Variants in TRPM7 observed in about 807,000 individuals in gnomAD.
TRPM7 encodes the protein LTRPC ion channel family member 7.
A neutral mutation model predicts 229.7 loss-of-function variants in TRPM7; 134 were observed. That is an observed-to-expected ratio of 0.58 (90% CI 0.51 to 0.67). The LOEUF (loss-of-function observed/expected upper bound fraction) is 0.67. Ranked by LOEUF, TRPM7 falls within the 30% of genes least tolerant of loss-of-function variation. The probability of loss-of-function intolerance (pLI) is 0.00; values close to 1 mark genes in which losing one functional copy is unlikely to be tolerated. For missense variants in TRPM7, 1,901 were observed against 2,210.0 expected (o/e 0.86, Z 2.80); for synonymous variants, 699 against 715.2 (o/e 0.98, Z 0.36).
At chr15:50,658,502 C>T (rs1462744088) in intron 2 of TRPM7, among the ~76,000 whole-genome samples, 1 of 148,960 alleles carries the variant, frequency 6.7e-6, no homozygotes, top group Non-Finnish European at 1.5e-5. Context: ...CATGGGAGGT[C>T]GAGGCTAAAG....
intron 1 of TRPM7, among the ~76,000 whole-genome samples, chr15:50,677,374 G>C (rs7180210): frequency 6.7e-6 from 1 of 149,674 alleles, no homozygotes; most frequent in Admixed American, 6.6e-5. Context: ...ATGAATTCTC[G>C]GGGAGCGAGG....
At position 50,596,518 on chromosome 15, in the gene TRPM7, C is replaced by A. The variant is rs1435036005; in HGVS notation, c.3164-137G>T. The A allele has an allele frequency of 8.7e-6, 6 of 688,602 alleles. No homozygotes were observed. In the East Asian group the frequency reaches 1.7e-4, roughly 19 times the overall value. The allele number at this position is 688,602 out of a possible 1,614,324, so 42.7% of individuals were successfully genotyped here. ...TATGTACAAATCTGTTTCACAGATT[C>A]CAGCAAAAGCATCTGGGCAAGGAGA... On this transcript the variant is annotated intron_variant, in intron 22 of 38. Coordinates refer to ENST00000646667, the MANE Select transcript of TRPM7 (RefSeq NM_017672.6).
At chr15:50,648,506 T>C (rs905320457) in intron 4 of TRPM7, among the ~76,000 whole-genome samples, 181 bp downstream of exon 4, 10 of 152,230 alleles carry the variant, frequency 6.6e-5, no homozygotes, top group African/African-American at 1.7e-4. Flanking sequence ...AAACACATTT[T>C]ATAATGATGA....
chr15:50,629,820 A>G (rs1049110838), intron 10 of TRPM7, among the ~76,000 whole-genome samples: 2 of 150,674 alleles, frequency 1.3e-5, no homozygotes, highest in African/African-American at 4.9e-5. Flanking sequence ...AGAAAAGTAC[A>G]TGGTAAATAA....
chr15:50,593,695 C>G lies in TRPM7; in HGVS notation c.3530G>C (p.Cys1177Ser), dbSNP rs2059561870. 6.2e-7 allele frequency: 1 copy of G among 1,611,224 alleles called. No homozygotes were observed. Reference protein sequence around the residue: ...QKKLHDFEEQCVEMYFNEKDD... With the variant: ...QKKLHDFEEQSVEMYFNEKDD... ...TTTTTCATTGAAATACATTTCAACA[C>G]ACTGCTCTTCAAAATCATGAAGTTT... Residue 1177 changes from cysteine (C) to serine (S), a missense_variant, in exon 25 of 39, where the codon TGT becomes TCT. Transcript: ENST00000646667.
At chr15:50,682,140 C>T (rs955328219) in intron 1 of TRPM7, among the ~76,000 whole-genome samples, 5 of 111,980 alleles carry the variant, frequency 4.5e-5, no homozygotes, top group Admixed American at 2.5e-4. Context: ...ATCGCGCCAC[C>T]GCAAGCCTGG....
chr15:50,607,110 ACC>A (rs1228584315), intron 20 of TRPM7, 88 bp downstream of exon 20: 1,553 of 1,092,104 alleles, frequency 1.4e-3, no homozygotes, highest in South Asian at 2.0e-3. Context: ...ACACACACAC[ACC>A]CCCCTACGTA....
rs887072146 is a variant in TRPM7 at position 50,645,871 on chromosome 15, G to A, written c.322-2318C>T. 4.6e-4 allele frequency among the ~76,000 whole-genome samples: 70 copies of A among 152,154 alleles called. 1 individual carries two copies. Among genetic ancestry groups the A allele is most frequent in the African/African-American group, 1.6e-3 (66 of 41,520 alleles). On this transcript the variant is annotated intron_variant, in intron 4 of 38. Transcript: ENST00000646667. The stretch of plus-strand genomic sequence containing the variant: ...AACACCTGCTTGAATACATTAGCAG[G>A]TGGCCGGGCATGGTGGCTCACACCT...
chr15:50,575,628 A>G, intron 33 of TRPM7, 96 bp downstream of exon 33: 2 of 1,026,334 alleles, frequency 1.9e-6, no homozygotes, highest in Non-Finnish European at 2.8e-6. Context: ...TGAAATTGAT[A>G]CTTCTTAATG....
chr15:50,666,175 TG>T (rs150734606), intron 1 of TRPM7, among the ~76,000 whole-genome samples: 2,180 of 152,064 alleles, frequency 0.014, 58 homozygotes, highest in African/African-American at 0.05. Context: ...TTAACAAAAT[TG>T]GTAAACCTTT....
rs539360910 is a variant in TRPM7 at position 50,676,320 on chromosome 15, A to G, written c.3+10211T>C. ...GAAATCAAATTTTTTTTTAACAAAT[A>G]CATTCTATGATTATATATATTAAAA... On this transcript the variant is annotated intron_variant, in intron 1 of 38. Coordinates refer to ENST00000646667, the MANE Select transcript of TRPM7 (RefSeq NM_017672.6). Among the ~76,000 whole-genome samples the G allele has an allele frequency of 1.2e-4, 18 of 152,260 alleles. 1 individual carries two copies. In the South Asian group the frequency reaches 3.7e-3, roughly 32 times the overall value.
At chr15:50,619,231 T>C (rs964360599) in intron 13 of TRPM7, among the ~76,000 whole-genome samples, 2 of 151,238 alleles carry the variant, frequency 1.3e-5, no homozygotes, top group Admixed American at 1.3e-4. Flanking sequence ...TTCTTTTTTT[T>C]TTTTTTTGAG....
chr15:50,644,632 G>A (rs1596293074), intron 4 of TRPM7, among the ~76,000 whole-genome samples: 2 of 151,956 alleles, frequency 1.3e-5, no homozygotes, highest in South Asian at 2.1e-4. Flanking sequence ...GTGAAACCCC[G>A]TCTCTACTAA....
At chr15:50,674,687 G>C (rs2062056912) in intron 1 of TRPM7, among the ~76,000 whole-genome samples, 1 of 152,002 alleles carries the variant, frequency 6.6e-6, no homozygotes, top group African/African-American at 2.4e-5. Flanking sequence ...CTTTCAGCTT[G>C]AAGAAATTCT....
chr15:50,613,905 G>T, intron 14 of TRPM7, 64 bp from the exon 15 acceptor site: 1 of 1,559,154 alleles, frequency 6.4e-7, no homozygotes, highest in Non-Finnish European at 8.7e-7. Flanking sequence ...AAAAATTCAA[G>T]AATCAATTTA....
At chr15:50,573,949 C>T (rs1044468620) in intron 36 of TRPM7, among the ~76,000 whole-genome samples, 1 of 150,644 alleles carries the variant, frequency 6.6e-6, no homozygotes, top group Non-Finnish European at 1.5e-5. Context: ...CCCAACTACT[C>T]GGGAGGCTGA....
At chr15:50,562,666 G>A (rs2053370106) in intron 38 of TRPM7, among the ~76,000 whole-genome samples, 1 of 151,838 alleles carries the variant, frequency 6.6e-6, no homozygotes, top group African/African-American at 2.4e-5. Flanking sequence ...CAGCTACTCA[G>A]AAGGCCGAGG....
intron 1 of TRPM7, among the ~76,000 whole-genome samples, chr15:50,682,719 G>C (rs890764475): frequency 6.6e-6 from 1 of 152,060 alleles, no homozygotes; most frequent in South Asian, 2.1e-4. Context: ...AATTCTCCAA[G>C]TCAAACACTG....
chr15:50,574,811 C>T, intron 34 of TRPM7, 41 bp downstream of exon 34: 1 of 1,593,322 alleles, frequency 6.3e-7, no homozygotes, highest in Non-Finnish European at 8.5e-7. Context: ...AAATATAAAG[C>T]TTAAATTATG....
Sources: gnomAD v4.1 joint callset for allele counts (sites outside exome capture counted in the v4.1 genomes callset) on GRCh38, gnomAD v4.1.1 for gene constraint, MANE v1.5 for transcripts, NCBI Gene and HGNC (gene_info 2026-07-23, HGNC 2026-07-21) for gene names.